Variants in SLC19A1 observed in about 807,000 individuals in gnomAD.
The protein encoded by SLC19A1 is reduced folate transporter.
A neutral mutation model predicts 35.3 loss-of-function variants in SLC19A1; 37 were observed. The ratio of observed to expected loss-of-function variants is 1.05; its 90% CI spans 0.81 to 1.38. SLC19A1 has a LOEUF of 1.38. Among genes scored for constraint, SLC19A1 ranks in the 40% most tolerant of loss-of-function variants. The pLI, the probability that SLC19A1 is intolerant of heterozygous loss-of-function variation, is 0.00. For missense variants in SLC19A1, 831 were observed against 826.9 expected (o/e 1.00, Z -0.06); for synonymous variants, 460 against 398.5 (o/e 1.15, Z -1.84).
chr21:45,559,448 C>T (rs1210624851), intron 1 of SLC19A1, among the ~76,000 whole-genome samples: 3 of 152,230 alleles, frequency 2.0e-5, no homozygotes, highest in Non-Finnish European at 4.4e-5. Context: ...TAGGCAGCAT[C>T]CTCCGGAGAC....
chr21:45,551,324 C>T (rs536733264), intron 1 of SLC19A1, among the ~76,000 whole-genome samples: 75 of 152,072 alleles, frequency 4.9e-4, no homozygotes, highest in African/African-American at 1.6e-3. Context: ...ATTATTTTTT[C>T]TTTTTCCTGT....
Position 45,525,921 on chromosome 21 carries a change from C to A in SLC19A1, c.1189G>T (p.Ala397Ser), listed in dbSNP as rs752360989. The change falls in exon 5 of 6, where the codon GCC becomes TCC. Residue 397 changes from alanine (A) to serine (S), a missense_variant. Ala to Ser is a moderately conservative substitution (Grantham distance 99). Coordinates refer to ENST00000311124, the MANE Select transcript of SLC19A1 (RefSeq NM_194255.4). ...AACGTGTTGACCCCGAAGACCAGGG[C>A]ACAGAGCTCTTTAGACAGAGAAGAT... ...IASSLSKELC[A>S]LVFGVNTFFA... 4 of 1,613,642 alleles carry A rather than the reference C, an allele frequency of 2.5e-6. No homozygotes were observed. The highest frequency in any genetic ancestry group is 3.4e-6 in the Non-Finnish European group (4 of 1,179,948).
chr21:45,505,741 G>T lies in SLC19A1; in HGVS notation c.498-7129C>A, dbSNP rs1252690081. On this transcript the variant is annotated intron_variant, in intron 3 of 4. Coordinates refer to the SLC19A1 transcript ENST00000417954. The stretch of plus-strand genomic sequence containing the variant: ...GTCCACACCTGTCCAAAGCCCTGCG[G>T]CCCCTGCCCAGCACCCTGAAACGGG... 5.8e-6 allele frequency: 6 copies of T among 1,027,016 alleles called. No homozygotes were observed. In the Admixed American group the frequency reaches 1.2e-4, roughly 20 times the overall value. The allele number at this position is 1,027,016 out of a possible 1,614,324, so 63.6% of individuals were successfully genotyped here. A position where few individuals can be genotyped will look rare whatever the true frequency, so the allele number is the denominator to read the frequency against.
At chr21:45,554,487 C>A (rs946763523) in intron 1 of SLC19A1, among the ~76,000 whole-genome samples, 1 of 29,096 alleles carries the variant, frequency 3.4e-5, no homozygotes, top group Non-Finnish European at 6.9e-5. Flanking sequence ...CCGCGCCCCC[C>A]TCCCAATCCC....
intron 3 of SLC19A1, chr21:45,506,342 G>A (rs1249463813): frequency 3.6e-5 from 13 of 357,314 alleles, no homozygotes; most frequent in East Asian, 2.2e-4. Context: ...TCCACAGCAC[G>A]GCCCCGGCTG....
rs1322632267 is a variant in SLC19A1, at chr21:45,533,744, TGGCA to T, written c.190-1600_190-1597del. Among the ~76,000 whole-genome samples the T allele has an allele frequency of 6.6e-6, 1 of 152,038 alleles. No homozygotes were observed. The highest frequency in any genetic ancestry group is 1.5e-5 in the Non-Finnish European group (1 of 67,972). On this transcript the variant is annotated intron_variant, in intron 2 of 5. Coordinates refer to ENST00000311124, the MANE Select transcript of SLC19A1 (RefSeq NM_194255.4). The surrounding 1 kb of genome is among the most constrained non-coding windows in gnomAD (Gnocchi z 4.5). ...GACCTCAGCCCCTGCCAGCCACACT[TGGCA>T]GGACCAAACCCTGGGTCAGCACGTG...
At chr21:45,511,050 ACACCCACACC>A (rs2037573328), downstream of SLC19A1, 6 of 467,702 alleles carry the variant, frequency 1.3e-5, no homozygotes, top group Non-Finnish European at 2.2e-5. Context: ...CCCCCCACAA[ACACCCACACC>A]CATCCACACC....
intron 4 of SLC19A1, among the ~76,000 whole-genome samples, chr21:45,526,791 C>G (rs910851030): frequency 6.6e-6 from 1 of 152,230 alleles, no homozygotes; most frequent in Non-Finnish European, 1.5e-5. Flanking sequence ...AGGCTGGTCT[C>G]GAGCTCCTGG....
intron 2 of SLC19A1, among the ~76,000 whole-genome samples, chr21:45,535,082 G>A (rs558021789): frequency 6.6e-6 from 1 of 152,272 alleles, no homozygotes; most frequent in African/African-American, 2.4e-5. Flanking sequence ...AGGACTGGAT[G>A]CCACAGAAGG....
intron 1 of SLC19A1, among the ~76,000 whole-genome samples, chr21:45,562,129 C>CA (rs34594751): frequency 0.3 from 36,000 of 121,354 alleles, 5,728 homozygotes; most frequent in African/African-American, 0.43. Flanking sequence ...GACTCTGTCT[C>CA]AAAAAAAAAA....
At chr21:45,511,128 C>T (rs1382806829), downstream of SLC19A1, 5 of 1,585,158 alleles carry the variant, frequency 3.2e-6, no homozygotes, top group East Asian at 9.2e-5. Context: ...TGCTGTTTCC[C>T]AGCTGGGAGG....
rs146867872 is a variant in SLC19A1, at chr21:45,522,794, C to T, written c.1293+3023G>A. Among the ~76,000 whole-genome samples, 1,055 of 152,120 alleles carry T rather than the reference C, an allele frequency of 6.9e-3. 9 individuals are homozygous for T. The highest frequency in any genetic ancestry group is 0.022 in the South Asian group (108 of 4,812). Reference sequence around the variant, plus strand: ...TCCTGAAATGACAAACTCATACAAGCGGAGAAGAGGGTAGTGGCTGCCAGG... The same window carrying T: ...TCCTGAAATGACAAACTCATACAAGTGGAGAAGAGGGTAGTGGCTGCCAGG... On this transcript the variant is annotated intron_variant, in intron 5 of 5. Coordinates refer to ENST00000311124, the MANE Select transcript of SLC19A1 (RefSeq NM_194255.4).
At chr21:45,507,705 A>C, downstream of SLC19A1, 1 of 1,019,426 alleles carries the variant, frequency 9.8e-7, no homozygotes, top group East Asian at 2.6e-5. Flanking sequence ...GGAGCTGAAC[A>C]TGTGGCTCAC....
chr21:45,507,750 C>G (rs1334989872), downstream of SLC19A1, among the ~76,000 whole-genome samples: 8 of 152,302 alleles, frequency 5.3e-5, no homozygotes, highest in Admixed American at 3.9e-4. Context: ...GTGCAGGACA[C>G]CCCACTACCT....
chr21:45,538,094 C>T, intron 1 of SLC19A1, 86 bp from the exon 2 acceptor site: 1 of 757,494 alleles, frequency 1.3e-6, no homozygotes, highest in South Asian at 2.0e-5. Flanking sequence ...TGCCGGCCTC[C>T]TCGCCACTCA....
chr21:45,512,520 T>C (rs1289681799), downstream of SLC19A1: 5 of 853,688 alleles, frequency 5.9e-6, no homozygotes, highest in East Asian at 1.1e-4. Flanking sequence ...TCCTGTATAG[T>C]TCACGTTTCA....
intron 3 of SLC19A1, among the ~76,000 whole-genome samples, chr21:45,505,604 A>G (rs2037152035): frequency 6.6e-6 from 1 of 152,104 alleles, no homozygotes; most frequent in Non-Finnish European, 1.5e-5. Context: ...AGGTGGACCC[A>G]GGAGGACGAC....
At chr21:45,510,192 G>T, downstream of SLC19A1, 1 of 1,599,142 alleles carries the variant, frequency 6.3e-7, no homozygotes, top group Non-Finnish European at 8.5e-7. Context: ...TCCTGTCCTC[G>T]CGCCTGCAGG....
upstream of SLC19A1, among the ~76,000 whole-genome samples, chr21:45,542,785 G>T (rs1206456009): frequency 7.7e-6 from 1 of 129,708 alleles, no homozygotes; most frequent in Non-Finnish European, 1.6e-5. Context: ...TCTCCCCCGC[G>T]TTCTTCCCAC....
Sources: gnomAD v4.1 joint callset for allele counts (sites outside exome capture counted in the v4.1 genomes callset) on GRCh38, gnomAD v4.1.1 for gene constraint, Gnocchi (gnomAD v3.1) non-coding constraint, MANE v1.5 for transcripts, NCBI Gene and HGNC (gene_info 2026-07-23, HGNC 2026-07-21) for gene names.